Variants in CCNY observed in about 807,000 individuals in gnomAD.
The protein encoded by CCNY is cyclin-Y.
CCNY carries 19 observed loss-of-function variants against 42.8 expected under a neutral mutation model. The observed-to-expected ratio is 0.44, with a 90% CI of 0.31 to 0.65. The LOEUF (loss-of-function observed/expected upper bound fraction) is 0.65. Ranked by LOEUF, CCNY falls within the 30% of genes least tolerant of loss-of-function variation. The pLI is 0.07. For synonymous variants in CCNY, 165 were observed against 162.7 expected, an observed-to-expected ratio of 1.01 and a Z score of -0.11; for missense variants, 370 against 437.3, an observed-to-expected ratio of 0.85 and a Z score of 1.37.
At chr10:35,489,017 C>T (rs1260689306) in intron 2 of CCNY, among the ~76,000 whole-genome samples, 3 of 152,100 alleles carry the variant, frequency 2.0e-5, no homozygotes, top group Non-Finnish European at 4.4e-5. Flanking sequence ...CGGTGGCTCA[C>T]GCCTGTAATC....
intron 1 of CCNY, among the ~76,000 whole-genome samples, chr10:35,428,560 A>G (rs2135274828): frequency 6.6e-6 from 1 of 152,220 alleles, no homozygotes; most frequent in Non-Finnish European, 1.5e-5. Context: ...TACTTAGAGG[A>G]GTGAGAAGCC....
chr10:35,271,750 C>G (rs1347825515), intron 3 of CCNY, among the ~76,000 whole-genome samples: 1 of 152,214 alleles, frequency 6.6e-6, no homozygotes, highest in Non-Finnish European at 1.5e-5. Flanking sequence ...TTCCTTGGCG[C>G]TTTGCCCTCT....
At chr10:35,269,562 C>T (rs1395073689) in intron 3 of CCNY, among the ~76,000 whole-genome samples, 1 of 151,948 alleles carries the variant, frequency 6.6e-6, no homozygotes, top group African/African-American at 2.4e-5. Flanking sequence ...TCCTCAACCT[C>T]CCAAAGTGCT....
At chr10:35,521,824 A>G (rs999371002) in intron 4 of CCNY, among the ~76,000 whole-genome samples, 2 of 152,112 alleles carry the variant, frequency 1.3e-5, no homozygotes, top group African/African-American at 4.8e-5. Flanking sequence ...ATGGAAGGAC[A>G]CTGTTTCCCA....
chr10:35,361,712 A>G lies in CCNY; in HGVS notation c.154+24505A>G, dbSNP rs144854828. 2.3e-4 allele frequency among the ~76,000 whole-genome samples: 35 copies of G among 152,342 alleles called. No individual in the cohort carries two copies. In the East Asian group the frequency reaches 6.4e-3, roughly 28 times the overall value. On this transcript the variant is annotated intron_variant, in intron 1 of 9. Transcript: ENST00000374704. ...ATATTAAGCATCTACTGAGAACCAT[A>G]TTACATTATGTAGATATTACAAAGA...
intron 8 of CCNY, among the ~76,000 whole-genome samples, chr10:35,564,460 G>T (rs1841527634): frequency 6.6e-6 from 1 of 152,126 alleles, no homozygotes; most frequent in South Asian, 2.1e-4. Context: ...ACTTGAGCTG[G>T]TGTGGAGCCC....
At chr10:35,266,620 C>T (rs1455488895) in intron 3 of CCNY, among the ~76,000 whole-genome samples, 1 of 152,112 alleles carries the variant, frequency 6.6e-6, no homozygotes, top group Non-Finnish European at 1.5e-5. Context: ...AACAAGAGCC[C>T]TAATGCAATG....
chr10:35,561,070 A>T (rs918903333), intron 8 of CCNY, among the ~76,000 whole-genome samples: 32 of 152,034 alleles, frequency 2.1e-4, no homozygotes, highest in Admixed American at 3.9e-4. Context: ...CCCAAGCTGC[A>T]CTCCCTACCT....
chr10:35,426,105 G>GCACACACA (rs1356511719), intron 1 of CCNY, among the ~76,000 whole-genome samples: 1 of 57,970 alleles, frequency 1.7e-5, no homozygotes, highest in Non-Finnish European at 4.1e-5. Flanking sequence ...CACTGGTCCA[G>GCACACACA]CACGCGCACA....
chr10:35,445,972 G>C (rs991489714), intron 1 of CCNY, among the ~76,000 whole-genome samples: 3 of 151,994 alleles, frequency 2.0e-5, no homozygotes, highest in African/African-American at 7.3e-5. Context: ...TGGTCTTTAG[G>C]CTTCGTTTAG....
intron 1 of CCNY, among the ~76,000 whole-genome samples, chr10:35,381,132 C>G (rs904453623): frequency 5.9e-5 from 9 of 152,280 alleles, no homozygotes; most frequent in Admixed American, 5.9e-4. Flanking sequence ...AGAATTTTGC[C>G]TGCAGTTCTA....
chr10:35,494,241 C>CCA lies in CCNY; in HGVS notation c.230-7259_230-7258insAC, dbSNP rs141910911. 6.2e-5 allele frequency among the ~76,000 whole-genome samples: 9 copies of CCA among 145,948 alleles called. No homozygotes were observed. The East Asian group carries it at 8.1e-4, about 13-fold the overall frequency. ...CCTGGACAGCATAGTGAGACCCCCC[C>CCA]CCCCATTTCTACAAAAAAATAAAGA... On this transcript the variant is annotated intron_variant, in intron 2 of 9. Transcript: ENST00000374704.
intron 3 of CCNY, among the ~76,000 whole-genome samples, chr10:35,281,467 T>A (rs932302860): frequency 6.6e-6 from 1 of 150,762 alleles, no homozygotes; most frequent in South Asian, 2.1e-4. Flanking sequence ...GCCCAGCTAA[T>A]TTTTTTTTGT....
chr10:35,369,692 T>C (rs953629878), intron 1 of CCNY, among the ~76,000 whole-genome samples: 3 of 152,234 alleles, frequency 2.0e-5, no homozygotes, highest in Admixed American at 2.0e-4. Flanking sequence ...AAATTTGCAA[T>C]GGAAAAGTTT....
chr10:35,406,941 G>A (rs534524108), intron 1 of CCNY, among the ~76,000 whole-genome samples: 3 of 152,270 alleles, frequency 2.0e-5, no homozygotes, highest in South Asian at 2.1e-4. Context: ...TGTCGGGAGC[G>A]GATTGGGTAA....
chr10:35,512,969 C>T (rs906936586), intron 3 of CCNY, among the ~76,000 whole-genome samples: 2 of 152,080 alleles, frequency 1.3e-5, no homozygotes, highest in African/African-American at 4.8e-5. Flanking sequence ...ATGTGTGTAT[C>T]CATGTATCTT....
chr10:35,437,602 C>T (rs1232976021), intron 1 of CCNY, among the ~76,000 whole-genome samples: 2 of 151,234 alleles, frequency 1.3e-5, no homozygotes, highest in African/African-American at 2.4e-5. Flanking sequence ...TACAGTGAGC[C>T]GAGATCACAC....
chr10:35,325,501 CAG>C (rs1055111062), intron 3 of CCNY, among the ~76,000 whole-genome samples: 5 of 125,796 alleles, frequency 4.0e-5, no homozygotes, highest in African/African-American at 1.5e-4. Context: ...TTTTTTGAGA[CAG>C]AGTTTCGCTC....
intron 2 of CCNY, among the ~76,000 whole-genome samples, chr10:35,494,236 C>CT (rs1554794882): frequency 7.6e-6 from 1 of 131,162 alleles, no homozygotes; most frequent in Non-Finnish European, 1.6e-5. Context: ...ATAGTGAGAC[C>CT]CCCCCCCCCA....
Sources: allele counts gnomAD v4.1 joint callset (sites outside exome capture counted in the v4.1 genomes callset), GRCh38; gene constraint gnomAD v4.1.1; transcripts MANE v1.5; gene names NCBI Gene and HGNC (gene_info 2026-07-23, HGNC 2026-07-21).